The following SPATS2 variants were observed in gnomAD, a reference collection of about 807,000 sequenced individuals.
The protein encoded by SPATS2 is spermatogenesis-associated serine-rich protein 2.
SPATS2 carries 38 observed loss-of-function variants against 63.7 expected under a neutral mutation model. That is an observed-to-expected ratio of 0.60 (90% CI 0.46 to 0.78). The LOEUF (loss-of-function observed/expected upper bound fraction) is 0.78, where lower values mean the gene tolerates loss of function less well. Among genes scored for constraint, SPATS2 ranks in the 30% least tolerant of loss-of-function variants. The pLI is 0.00. For synonymous variants in SPATS2, 207 were observed against 232.9 expected, an observed-to-expected ratio of 0.89 and a Z score of 1.01; for missense variants, 588 against 666.2, an observed-to-expected ratio of 0.88 and a Z score of 1.29.
chr12:49,375,236 C>T lies in SPATS2; in HGVS notation c.-244+3946C>T, dbSNP rs117152583. 6.6e-4 allele frequency among the ~76,000 whole-genome samples: 95 copies of T among 143,954 alleles called. No individual in the cohort carries two copies. In the East Asian group the frequency reaches 0.018, roughly 27 times the overall value. 94.4% of individuals were successfully genotyped at this position (143,954 alleles called of 152,430 possible). A position where few individuals can be genotyped will look rare whatever the true frequency, so the allele number is the denominator to read the frequency against. ...TAGAATTTGCTAAAGGGTATTAGGA[C>T]GGAGGAGAAGGATGTTTGTGATGAG... On this transcript the variant is annotated intron_variant, in intron 2 of 13. Coordinates refer to ENST00000552918, the MANE Select transcript of SPATS2 (RefSeq NM_023071.4).
chr12:49,452,566 C>G (rs1440530410), intron 2 of SPATS2, among the ~76,000 whole-genome samples: 1 of 152,218 alleles, frequency 6.6e-6, no homozygotes, highest in Non-Finnish European at 1.5e-5. Flanking sequence ...GCATGAGCCA[C>G]TGCACCTGGC....
intron 2 of SPATS2, among the ~76,000 whole-genome samples, chr12:49,436,700 A>ACCTC: frequency 8.7e-6 from 1 of 115,584 alleles, no homozygotes; most frequent in Non-Finnish European, 1.8e-5. Flanking sequence ...GGCGCCCCTC[A>ACCTC]CCTCCCGGAT....
intron 2 of SPATS2, among the ~76,000 whole-genome samples, chr12:49,404,962 T>C (rs966920458): frequency 2.3e-4 from 35 of 151,768 alleles, no homozygotes; most frequent in African/African-American, 8.3e-4. Context: ...AAAAAACTTG[T>C]GTTGGAACAC....
intron 3 of SPATS2, among the ~76,000 whole-genome samples, chr12:49,476,556 G>C (rs1328703380): frequency 6.6e-6 from 1 of 152,172 alleles, no homozygotes; most frequent in Non-Finnish European, 1.5e-5. Context: ...AACCGAAAGA[G>C]CATCCTGTAA....
chr12:49,408,257 T>C (rs1944730998), intron 2 of SPATS2, among the ~76,000 whole-genome samples: 1 of 151,154 alleles, frequency 6.6e-6, no homozygotes, highest in Admixed American at 6.6e-5. Context: ...TTCTTCTTTT[T>C]TTTTTTTTTT....
chr12:49,513,992 TAA>T (rs918680498), intron 9 of SPATS2, among the ~76,000 whole-genome samples: 1 of 151,812 alleles, frequency 6.6e-6, no homozygotes, highest in African/African-American at 2.4e-5. Flanking sequence ...CCATCTCTAC[TAA>T]AAATACAAAA....
At chr12:49,520,139 C>A (rs2138078876) in intron 11 of SPATS2, among the ~76,000 whole-genome samples, 1 of 152,270 alleles carries the variant, frequency 6.6e-6, no homozygotes, top group East Asian at 1.9e-4. Context: ...GCCACCATGC[C>A]CAGCTAATTT....
At chr12:49,459,447 C>A (rs1011227194) in intron 2 of SPATS2, among the ~76,000 whole-genome samples, 4 of 152,068 alleles carry the variant, frequency 2.6e-5, no homozygotes, top group Non-Finnish European at 4.4e-5. Flanking sequence ...CTCCTGGATT[C>A]AAGTGATTCT....
At chr12:49,446,243 G>A (rs181840506) in intron 2 of SPATS2, among the ~76,000 whole-genome samples, 1 of 152,270 alleles carries the variant, frequency 6.6e-6, no homozygotes, top group East Asian at 1.9e-4. Flanking sequence ...TCTGGTTGCA[G>A]TATCAGGGAA....
rs75998826 is a variant in SPATS2 at position 49,462,412 on chromosome 12, G to A, written c.25+1375G>A. ...AGGCTGTGGGGTGCCTGTGACCCCC[G>A]AAGCTCCAGAGGGCATGTTACAGTG... On this transcript the variant is annotated intron_variant, in intron 3 of 13. Transcript: ENST00000552918. 1,063 of 702,362 alleles carry A rather than the reference G, an allele frequency of 1.5e-3. 13 individuals carry two copies. The East Asian group carries it at 0.019, about 13-fold the overall frequency. 43.5% of individuals were successfully genotyped at this position (702,362 alleles called of 1,614,324 possible).
intron 4 of SPATS2, among the ~76,000 whole-genome samples, chr12:49,486,527 T>C (rs573650952): frequency 6.6e-6 from 1 of 152,314 alleles, no homozygotes; most frequent in Admixed American, 6.5e-5. Flanking sequence ...TAAACTTCCA[T>C]TTTTTAGGGA....
At chr12:49,378,400 C>T (rs1432119761) in intron 2 of SPATS2, among the ~76,000 whole-genome samples, 5 of 151,890 alleles carry the variant, frequency 3.3e-5, no homozygotes, top group African/African-American at 9.7e-5. Context: ...CGGGATCAAG[C>T]GATTGTCCTG....
At position 49,526,326 on chromosome 12, in the gene SPATS2, CA is replaced by C; in HGVS notation, c.*72del. On this transcript the variant is annotated 3_prime_UTR_variant, in exon 14 of 14. Coordinates refer to ENST00000552918, the MANE Select transcript of SPATS2 (RefSeq NM_023071.4). ...TGATAACTGGACTTTAGGAAACTTA[CA>C]GTTAGATGTAATAACAAAAAGAAGT... 2.0e-6 allele frequency: 3 copies of C among 1,488,760 alleles called. No homozygotes were observed. The highest frequency in any genetic ancestry group is 4.7e-5 in the East Asian group (2 of 42,718). 92.2% of individuals were successfully genotyped at this position (1,488,760 alleles called of 1,614,324 possible).
intron 2 of SPATS2, among the ~76,000 whole-genome samples, chr12:49,410,110 C>G (rs1944771177): frequency 6.6e-6 from 1 of 151,544 alleles, no homozygotes; most frequent in African/African-American, 2.4e-5. Context: ...GAGTCTCGCT[C>G]TGTCGCCCAG....
intron 2 of SPATS2, among the ~76,000 whole-genome samples, chr12:49,421,484 G>A (rs1247333320): frequency 7.0e-6 from 1 of 142,726 alleles, no homozygotes; most frequent in African/African-American, 2.6e-5. Context: ...ATTTACAGTT[G>A]TAAAATAGCT....
intron 2 of SPATS2, among the ~76,000 whole-genome samples, chr12:49,426,693 G>A (rs1189996324): frequency 1.3e-5 from 2 of 152,042 alleles, no homozygotes; most frequent in African/African-American, 2.4e-5. Flanking sequence ...ACAGGCGCCC[G>A]CCACCTCGCC....
chr12:49,488,647 G>A (rs147537062), intron 4 of SPATS2, among the ~76,000 whole-genome samples: 1,697 of 152,138 alleles, frequency 0.011, 18 homozygotes, highest in South Asian at 0.028. Context: ...GACAGAGCGA[G>A]ACTGTCTCAA....
chr12:49,507,404 C>T (rs1294636820), intron 9 of SPATS2, among the ~76,000 whole-genome samples: 1 of 152,124 alleles, frequency 6.6e-6, no homozygotes, highest in Non-Finnish European at 1.5e-5. Flanking sequence ...CACACACAGT[C>T]TAGCTGTTGC....
chr12:49,374,434 T>G (rs1228919231), intron 2 of SPATS2, among the ~76,000 whole-genome samples: 1 of 152,100 alleles, frequency 6.6e-6, no homozygotes, highest in East Asian at 1.9e-4. Context: ...CCAGCTCACT[T>G]TATTATCTTT....
Sources: allele counts gnomAD v4.1 joint callset (sites outside exome capture counted in the v4.1 genomes callset), GRCh38; gene constraint gnomAD v4.1.1; transcripts MANE v1.5; gene names NCBI Gene and HGNC (gene_info 2026-07-23, HGNC 2026-07-21).